The following NAF1 variants were observed in gnomAD, a reference collection of about 807,000 sequenced individuals.
NAF1 encodes H/ACA ribonucleoprotein complex non-core subunit NAF1.
A neutral mutation model predicts 40.6 loss-of-function variants in NAF1; 11 were observed. The observed-to-expected ratio is 0.27, with a 90% confidence interval of 0.17 to 0.45. The LOEUF is 0.45. Ranked by LOEUF, NAF1 falls within the 20% of genes least tolerant of loss-of-function variation. The pLI is 1.00. For synonymous variants in NAF1, 260 were observed against 228.5 expected, an observed-to-expected ratio of 1.14 and a Z score of -1.24; for missense variants, 607 against 611.1, an observed-to-expected ratio of 0.99 and a Z score of 0.07.
chr4:163,135,970 C>T (rs1731040650), intron 6 of NAF1: 2 of 152,078 alleles, frequency 1.3e-5, no homozygotes, highest in Admixed American at 1.3e-4. Context: ...CACATAAATA[C>T]ATAACATTAA....
chr4:163,145,625 T>A (rs974203830), intron 4 of NAF1, among the ~76,000 whole-genome samples, 157 bp downstream of exon 4: 11 of 152,134 alleles, frequency 7.2e-5, no homozygotes, highest in Admixed American at 5.9e-4. Context: ...CAGACAGATA[T>A]GAAGTACTAA....
At chr4:163,108,630 G>A (rs1258252497), downstream of NAF1, among the ~76,000 whole-genome samples, 3 of 152,200 alleles carry the variant, frequency 2.0e-5, no homozygotes, top group South Asian at 6.2e-4. Context: ...TAAAATAAAT[G>A]GTGCTTCACT....
At chr4:163,132,022 C>T (rs554897717) in intron 7 of NAF1, among the ~76,000 whole-genome samples, 2 of 152,276 alleles carry the variant, frequency 1.3e-5, no homozygotes, top group Admixed American at 1.3e-4. Flanking sequence ...ATTAGCACTA[C>T]AAACCTAGCA....
At chr4:163,141,776 A>G (rs1442362615) in intron 4 of NAF1, 1 of 184,614 alleles carries the variant, frequency 5.4e-6, no homozygotes, top group African/African-American at 2.4e-5. Context: ...AGCTTTCTAA[A>G]TAGCTTGGAC....
At chr4:163,123,876 A>C (rs956645410), downstream of NAF1, among the ~76,000 whole-genome samples, 2 of 152,214 alleles carry the variant, frequency 1.3e-5, no homozygotes, top group African/African-American at 4.8e-5. Context: ...TGAGTGGAAC[A>C]TTTTAAGTAT....
chr4:163,113,534 C>A (rs1484905344), intron 2 of NAF1, among the ~76,000 whole-genome samples: 4 of 152,118 alleles, frequency 2.6e-5, no homozygotes, highest in African/African-American at 9.7e-5. Flanking sequence ...TTTGTAAGTT[C>A]AGCCGCCCAC....
intron 2 of NAF1, chr4:163,119,477 G>C (rs1730452428): frequency 6.6e-6 from 1 of 152,176 alleles, no homozygotes. Context: ...CTTTCAGTGA[G>C]TTCTGGAATA....
chr4:163,159,685 T>A, intron 2 of NAF1, among the ~76,000 whole-genome samples: 1 of 151,830 alleles, frequency 6.6e-6, no homozygotes, highest in Non-Finnish European at 1.5e-5. Flanking sequence ...TAGAGTGTAC[T>A]CAACCTAACT....
At chr4:163,141,940 C>A (rs985250893) in intron 4 of NAF1, 4 of 980,904 alleles carry the variant, frequency 4.1e-6, no homozygotes, top group Non-Finnish European at 4.8e-6. Flanking sequence ...CCTATCAGGG[C>A]ACCACCATTC....
At chr4:163,136,441 T>C (rs993347338) in intron 6 of NAF1, 1 of 151,320 alleles carries the variant, frequency 6.6e-6, no homozygotes, top group Non-Finnish European at 1.5e-5. Context: ...AAAATATTTA[T>C]ATACATTTTT....
chr4:163,151,424 G>C (rs985313072), intron 2 of NAF1, among the ~76,000 whole-genome samples: 1 of 150,890 alleles, frequency 6.6e-6, no homozygotes, highest in Non-Finnish European at 1.5e-5. Context: ...TTGTATAAAA[G>C]TGCAGCAGTG....
chr4:163,120,787 T>C (rs750945825), intron 2 of NAF1, among the ~76,000 whole-genome samples: 2 of 152,182 alleles, frequency 1.3e-5, no homozygotes, highest in African/African-American at 2.4e-5. Flanking sequence ...TTTCAGGTAA[T>C]TGCATATATC....
chr4:163,110,097 G>A, exon 3 of NAF1: 1 of 504,624 alleles, frequency 2.0e-6, no homozygotes, highest in South Asian at 3.5e-5. Flanking sequence ...TATTTAGGCA[G>A]AACATACAGT....
Position 163,166,676 on chromosome 4 carries a change from C to T in NAF1, c.52G>A (p.Gly18Ser), listed in dbSNP as rs866237920. The change falls in exon 1 of 8, where the codon GGC (glycine) becomes AGC (serine). Residue 18 changes from glycine to serine, a missense_variant. Physicochemically the swap from Gly to Ser is moderately conservative, Grantham distance 56. This residue lies in a region of NAF1 where 407 missense variants were observed against 365.5 expected (regional missense o/e 1.11). Coordinates refer to ENST00000274054, the MANE Select transcript of NAF1 (RefSeq NM_138386.3). ...CCTTCCCCAACTCCAAAGTCGGTGC[C>T]ATTGAATTTCAGAGTTTCCAGCTGA... is the stretch of plus-strand genomic sequence containing the variant. ...AAQLETLKFN[G>S]TDFGVGEGPA... is the part of the protein sequence containing the mutation. The T allele has an allele frequency of 1.2e-5, 20 of 1,613,690 alleles. No homozygotes were observed. In the African/African-American group the frequency reaches 1.7e-4, roughly 14 times the overall value.
intron 4 of NAF1, among the ~76,000 whole-genome samples, chr4:163,143,644 C>T (rs562978255): frequency 6.6e-6 from 1 of 152,250 alleles, no homozygotes; most frequent in South Asian, 2.1e-4. Flanking sequence ...CTCTAAGTAA[C>T]AATAAATATA....
At chr4:163,105,619 C>A (rs1228159080), downstream of NAF1, among the ~76,000 whole-genome samples, 3 of 152,148 alleles carry the variant, frequency 2.0e-5, no homozygotes, top group African/African-American at 7.2e-5. Flanking sequence ...TTCTTAAGAT[C>A]ATAAAGAGTG....
rs1731570785 is a variant in NAF1 at position 163,148,583 on chromosome 4, G to A, written c.541-149C>T. 3 of 557,668 alleles carry A rather than the reference G, an allele frequency of 5.4e-6. No homozygotes were observed. The South Asian group carries it at 8.2e-5, about 15-fold the overall frequency. 34.5% of individuals were successfully genotyped at this position (557,668 alleles called of 1,614,324 possible). On this transcript the variant is annotated intron_variant, in intron 2 of 7. Transcript: ENST00000274054. ...TAATGTTATCATTTTAGTGGTTGCA[G>A]ACTTGTGATAGCACTTCTCTCCCTC...
In NAF1 at chr4:163,166,612, C is replaced by G; in HGVS notation, c.116G>C (p.Gly39Ala). 1 of 1,610,950 alleles carries G rather than the reference C, an allele frequency of 6.2e-7. No individual in the cohort carries two copies. The highest frequency in any genetic ancestry group is 8.5e-7 in the Non-Finnish European group (1 of 1,179,386). ...AAACGACTGTAGCGGCGGCTGTGTCCCTGGCACAGGGGCAGAGCCCGGAGA... is the reference window on the plus strand; with the variant it reads ...AAACGACTGTAGCGGCGGCTGTGTCGCTGGCACAGGGGCAGAGCCCGGAGA... ...APSPGSAPVP[G>A]TQPPLQSFEG... Residue 39 changes from glycine (G) to alanine (A), a missense_variant, in exon 1 of 8, where the codon GGG becomes GCG. Coordinates refer to ENST00000274054, the MANE Select transcript of NAF1 (RefSeq NM_138386.3).
intron 2 of NAF1, chr4:163,117,306 A>T (rs1259439485): frequency 6.6e-6 from 1 of 152,162 alleles, no homozygotes; most frequent in Admixed American, 6.5e-5. Flanking sequence ...GTCTTTATTC[A>T]TCCATTTTCT....
Sources: gnomAD v4.1 joint callset for allele counts (sites outside exome capture counted in the v4.1 genomes callset) on GRCh38, gnomAD v4.1.1 for gene constraint, gnomAD v4.1.1 regional missense constraint, MANE v1.5 for transcripts, NCBI Gene and HGNC (gene_info 2026-07-23, HGNC 2026-07-21) for gene names.